L3MBTL4: variants seen among roughly 807,000 people sequenced by gnomAD.
The protein encoded by L3MBTL4 is lethal(3)malignant brain tumor-like protein 4.
L3MBTL4 carries 70 observed loss-of-function variants against 84.5 expected under a neutral mutation model. That is an observed-to-expected ratio of 0.83 (90% CI 0.68 to 1.01). The LOEUF (loss-of-function observed/expected upper bound fraction) is 1.01, where lower values mean the gene tolerates loss of function less well. L3MBTL4 is among the 50% of genes least tolerant of loss of function. The pLI is 0.00. For missense variants in L3MBTL4, 715 were observed against 754.8 expected, an observed-to-expected ratio of 0.95 and a Z score of 0.62; for synonymous variants, 274 against 259.8, an observed-to-expected ratio of 1.05 and a Z score of -0.52.
intron 16 of L3MBTL4, among the ~76,000 whole-genome samples, chr18:6,050,495 T>A (rs2056799822): frequency 6.6e-6 from 1 of 152,218 alleles, no homozygotes; most frequent in South Asian, 2.1e-4. Flanking sequence ...AGTTCCATAG[T>A]CTTTATAAAT....
Position 6,258,451 on chromosome 18 carries a change from A to G in L3MBTL4, c.219+5496T>C, listed in dbSNP as rs555050325. Among the ~76,000 whole-genome samples the G allele has an allele frequency of 3.9e-5, 6 of 152,326 alleles. No individual in the cohort carries two copies. In the South Asian group the frequency reaches 1.2e-3, roughly 32 times the overall value. On this transcript the variant is annotated intron_variant, in intron 5 of 18. Transcript: ENST00000317931. ...GATGGGGAGAGGATAGCAGGGAGGC[A>G]ACGGACTGAAGATCCTGGCAAGAGA...
intron 13 of L3MBTL4, among the ~76,000 whole-genome samples, chr18:6,140,987 G>T (rs942014933): frequency 4.6e-5 from 7 of 151,314 alleles, no homozygotes; most frequent in African/African-American, 1.7e-4. Context: ...CAAATTTATG[G>T]TTTATATATA....
At chr18:6,197,849 G>A (rs1035628549) in intron 12 of L3MBTL4, among the ~76,000 whole-genome samples, 3 of 152,200 alleles carry the variant, frequency 2.0e-5, no homozygotes, top group African/African-American at 7.2e-5. Context: ...TGCTGCCCTC[G>A]CAAGTATTTG....
intron 16 of L3MBTL4, among the ~76,000 whole-genome samples, chr18:6,045,794 A>G (rs1354515978): frequency 6.6e-6 from 1 of 152,250 alleles, no homozygotes; most frequent in Non-Finnish European, 1.5e-5. Flanking sequence ...AGTTATGTAC[A>G]TAGCCCATAG....
intron 16 of L3MBTL4, chr18:6,029,712 A>C: frequency 1.0e-6 from 1 of 985,156 alleles, no homozygotes; most frequent in Non-Finnish European, 1.2e-6. Context: ...GTAAAATTAA[A>C]AGTTAAATCA....
intron 1 of L3MBTL4, among the ~76,000 whole-genome samples, chr18:6,384,705 T>C (rs374808260): frequency 1.3e-5 from 2 of 152,210 alleles, no homozygotes; most frequent in South Asian, 2.1e-4. Flanking sequence ...CTGAAAAGAA[T>C]GTGGCAGAAG....
At chr18:5,960,989 G>A (rs2095260578) in intron 17 of L3MBTL4, among the ~76,000 whole-genome samples, 1 of 152,222 alleles carries the variant, frequency 6.6e-6, no homozygotes, top group South Asian at 2.1e-4. Context: ...TGAGTGGTCT[G>A]CACTACTGGC....
intron 1 of L3MBTL4, among the ~76,000 whole-genome samples, chr18:6,330,130 T>G (rs753734712): frequency 6.6e-6 from 1 of 152,216 alleles, no homozygotes; most frequent in Non-Finnish European, 1.5e-5. Context: ...CAATCTACTA[T>G]ACTTATTTTG....
At chr18:6,196,207 T>G (rs111717726) in intron 12 of L3MBTL4, among the ~76,000 whole-genome samples, 14,646 of 148,350 alleles carry the variant, frequency 0.099, 2,079 homozygotes, top group African/African-American at 0.32. Context: ...GCCCAGGCTG[T>G]ACTGCAGTGG....
At chr18:6,212,321 G>A (rs928423853) in intron 12 of L3MBTL4, among the ~76,000 whole-genome samples, 1 of 152,116 alleles carries the variant, frequency 6.6e-6, no homozygotes, top group Non-Finnish European at 1.5e-5. Context: ...TCAAATTAGG[G>A]ATACGGCAAA....
intron 16 of L3MBTL4, among the ~76,000 whole-genome samples, chr18:5,971,317 G>A (rs2052631471): frequency 1.3e-5 from 2 of 152,170 alleles, no homozygotes; most frequent in African/African-American, 4.8e-5. Context: ...AGACCTTGCT[G>A]GGAAGCCAGG....
intron 13 of L3MBTL4, among the ~76,000 whole-genome samples, chr18:6,144,058 A>G (rs141479396): frequency 6.4e-4 from 97 of 152,046 alleles, no homozygotes; most frequent in East Asian, 1.7e-3. Flanking sequence ...TTGGCTGGGC[A>G]TGGTGGCAGG....
Position 6,084,948 on chromosome 18 carries a change from G to C in L3MBTL4, c.1374-3997C>G, listed in dbSNP as rs502732. On this transcript the variant is annotated intron_variant, in intron 15 of 18. Coordinates refer to ENST00000317931, the MANE Select transcript of L3MBTL4 (RefSeq NM_001330559.2). ...GGTGTGGTGTGCAATGAGGTAAGAC[G>C]TGGAGCTAGGACAAATTATGGGGCC... is the stretch of plus-strand genomic sequence containing the variant. 3.3e-5 allele frequency among the ~76,000 whole-genome samples: 5 copies of C among 152,272 alleles called. No homozygotes were observed. In the East Asian group the frequency reaches 9.7e-4, roughly 29 times the overall value.
intron 13 of L3MBTL4, among the ~76,000 whole-genome samples, chr18:6,146,292 C>T (rs1179509201): frequency 6.6e-6 from 1 of 152,200 alleles, no homozygotes; most frequent in Admixed American, 6.5e-5. Context: ...GCATCCACAC[C>T]GCTATTTACA....
At chr18:5,963,810 CCT>C (rs1454548735) in intron 17 of L3MBTL4, among the ~76,000 whole-genome samples, 1 of 152,136 alleles carries the variant, frequency 6.6e-6, no homozygotes, top group Non-Finnish European at 1.5e-5. Flanking sequence ...AAGAAGTTTC[CCT>C]CTCATTCTCC....
intron 6 of L3MBTL4, 28 bp from the exon 7 acceptor site, chr18:6,243,457 C>T (rs546029887): frequency 1.3e-5 from 20 of 1,551,156 alleles, no homozygotes; most frequent in East Asian, 7.0e-5. Flanking sequence ...TACAATCATT[C>T]GTTAAGTGTC....
At chr18:6,221,227 C>T (rs1304282736) in intron 10 of L3MBTL4, among the ~76,000 whole-genome samples, 2 of 152,148 alleles carry the variant, frequency 1.3e-5, no homozygotes, top group African/African-American at 4.8e-5. Flanking sequence ...GTCTGGGTGA[C>T]CTGTCCCTTA....
chr18:6,391,269 T>C (rs1376568337), intron 1 of L3MBTL4, among the ~76,000 whole-genome samples: 2 of 152,136 alleles, frequency 1.3e-5, no homozygotes, highest in Admixed American at 1.3e-4. Flanking sequence ...AAAAAGCATT[T>C]TATAAAATCC....
At chr18:6,021,682 C>T (rs948289) in intron 16 of L3MBTL4, among the ~76,000 whole-genome samples, 150,504 of 152,216 alleles carry the variant, frequency 0.99, 74,412 homozygotes, top group Middle Eastern at 1. Context: ...GTGAAATCTT[C>T]TTCAATATAG....
Sources: allele counts gnomAD v4.1 joint callset (sites outside exome capture counted in the v4.1 genomes callset), GRCh38; gene constraint gnomAD v4.1.1; transcripts MANE v1.5; gene names NCBI Gene and HGNC (gene_info 2026-07-23, HGNC 2026-07-21).